SATB1: variants seen among roughly 807,000 people sequenced by gnomAD.
SATB1 encodes SATB homeobox 1, also known as DNA-binding protein SATB1.
A neutral mutation model predicts 86.9 loss-of-function variants in SATB1; 11 were observed. The observed-to-expected ratio is 0.13, with a 90% confidence interval of 0.08 to 0.21. The LOEUF (loss-of-function observed/expected upper bound fraction) is 0.21. SATB1 is among the 10% of genes least tolerant of loss of function. The pLI is 1.00. For missense variants in SATB1, 551 were observed against 937.6 expected (o/e 0.59, Z 5.39); for synonymous variants, 357 against 357.2 (o/e 1.00, Z 0.01).
chr3:18,439,730 G>C (rs1444501132), upstream of SATB1, among the ~76,000 whole-genome samples: 2 of 152,218 alleles, frequency 1.3e-5, no homozygotes, highest in African/African-American at 2.4e-5. Flanking sequence ...AGACAGTTAA[G>C]TGTAACCGCT....
intron 8 of SATB1, among the ~76,000 whole-genome samples, chr3:18,379,609 T>C (rs550474282): frequency 4.6e-5 from 7 of 152,218 alleles, no homozygotes; most frequent in Non-Finnish European, 1.0e-4. Context: ...ACTCTGTTCC[T>C]AAAATATTCA....
chr3:18,355,615 G>T (rs1303815450), intron 9 of SATB1, among the ~76,000 whole-genome samples: 1 of 151,976 alleles, frequency 6.6e-6, no homozygotes, highest in Non-Finnish European at 1.5e-5. Context: ...GAGCAGAGAT[G>T]AGGAATGAAA....
At chr3:18,379,950 G>T (rs1462308716) in intron 8 of SATB1, among the ~76,000 whole-genome samples, 1 of 152,124 alleles carries the variant, frequency 6.6e-6, no homozygotes, top group Non-Finnish European at 1.5e-5. Context: ...ATGACTGGAG[G>T]CCACTAGAAC....
At chr3:18,378,367 G>A (rs10460976) in intron 8 of SATB1, 42 bp from the exon 9 acceptor site, 968,708 of 1,595,708 alleles carry the variant, frequency 0.61, 299,075 homozygotes, top group East Asian at 0.94. Flanking sequence ...TTCATTGGCT[G>A]AATTGTTTTG....
In SATB1 at chr3:18,400,128, TAAAA is replaced by T. The variant is rs772839969; in HGVS notation, c.640-2842_640-2839del. Among the ~76,000 whole-genome samples the T allele has an allele frequency of 9.9e-5, 15 of 152,180 alleles. No individual in the cohort carries two copies. The East Asian group carries it at 1.4e-3, about 14-fold the overall frequency. Reference sequence around the variant, plus strand: ...ACACGTAATGTTTTGATAACACAAATAAAAAAGTCATGATTGGTAAAATTTTCCT... The same window carrying T: ...ACACGTAATGTTTTGATAACACAAATAAGTCATGATTGGTAAAATTTTCCT... On this transcript the variant is annotated intron_variant, in intron 5 of 10. Transcript: ENST00000338745.
rs974512181 is a variant in SATB1, at chr3:18,445,201, C to T, written c.-25+317G>A. The T allele has an allele frequency of 7.1e-6, 7 of 981,054 alleles. No homozygotes were observed. In the East Asian group the frequency reaches 5.8e-4, roughly 81 times the overall value. The allele number at this position is 981,054 out of a possible 1,614,324, so 60.8% of individuals were successfully genotyped here. A position where few individuals can be genotyped will look rare whatever the true frequency, so the allele number is the denominator to read the frequency against. On this transcript the variant is annotated intron_variant, in intron 1 of 3. Transcript: ENST00000415069. Reference sequence around the variant, plus strand: ...CAGGGCCCGGCCCGCCTCCCCAGCGCCCGCCCGGCTTCTCCCCCTGGCGGT... The same window carrying T: ...CAGGGCCCGGCCCGCCTCCCCAGCGTCCGCCCGGCTTCTCCCCCTGGCGGT...
chr3:18,437,371 G>C (rs1481352284), intron 1 of SATB1, among the ~76,000 whole-genome samples: 2 of 152,042 alleles, frequency 1.3e-5, no homozygotes, highest in African/African-American at 2.4e-5. Context: ...AGTTGCTTTA[G>C]TAGAAAACCT....
In SATB1 at chr3:18,349,167, A is replaced by G; in HGVS notation, c.*3T>C. 6.2e-7 allele frequency: 1 copy of G among 1,612,256 alleles called. No individual in the cohort carries two copies. Among genetic ancestry groups the G allele is most frequent in the South Asian group, 1.1e-5 (1 of 90,876 alleles). On this transcript the variant is annotated 3_prime_UTR_variant, in exon 11 of 11. Coordinates refer to ENST00000338745, the MANE Select transcript of SATB1 (RefSeq NM_002971.6). This position sits in a 1 kb window ranked among gnomAD's most constrained non-coding sequence, Gnocchi z 5.5. Reference sequence around the variant, plus strand: ...ACTGTTGAACGAAACAAATACTTTTATCTCAGTCTTTCAAATCAGTATTAA... The same window carrying G: ...ACTGTTGAACGAAACAAATACTTTTGTCTCAGTCTTTCAAATCAGTATTAA...
intron 9 of SATB1, among the ~76,000 whole-genome samples, chr3:18,364,749 G>A (rs1036541332): frequency 3.9e-5 from 6 of 151,906 alleles, no homozygotes; most frequent in South Asian, 4.2e-4. Flanking sequence ...ACACACGTAC[G>A]TATAGACACA....
chr3:18,436,506 CAAA>C (rs71055011), intron 2 of SATB1, among the ~76,000 whole-genome samples: 7 of 113,800 alleles, frequency 6.2e-5, no homozygotes, highest in Admixed American at 8.8e-5. Flanking sequence ...CAGGTGCTAC[CAAA>C]AAAAAAAAAA....
chr3:18,351,484 C>A, intron 10 of SATB1: 4 of 1,153,436 alleles, frequency 3.5e-6, no homozygotes, highest in Non-Finnish European at 4.9e-6. Flanking sequence ...CTATTACATA[C>A]AAGGTGAAGG....
At chr3:18,380,148 T>G (rs892719131) in intron 8 of SATB1, among the ~76,000 whole-genome samples, 1 of 152,180 alleles carries the variant, frequency 6.6e-6, no homozygotes, top group Non-Finnish European at 1.5e-5. Context: ...AATACCTATT[T>G]TTCTCACTGC....
intron 5 of SATB1, among the ~76,000 whole-genome samples, chr3:18,398,756 T>C (rs1045011380): frequency 6.6e-6 from 1 of 152,182 alleles, no homozygotes; most frequent in Non-Finnish European, 1.5e-5. Context: ...ATAGTCATTT[T>C]CACATTTTAT....
chr3:18,428,909 G>A (rs1479626184), upstream of SATB1, among the ~76,000 whole-genome samples: 1 of 152,216 alleles, frequency 6.6e-6, no homozygotes, highest in Non-Finnish European at 1.5e-5. Flanking sequence ...AAAGCATTTA[G>A]AATTCGAGTG....
chr3:18,367,157 C>G (rs1158178338), intron 9 of SATB1, among the ~76,000 whole-genome samples: 1 of 152,156 alleles, frequency 6.6e-6, no homozygotes, highest in Non-Finnish European at 1.5e-5. Context: ...CTTTGCAGTT[C>G]CCAATGTTTT....
chr3:18,354,582 C>T (rs1694537896), intron 9 of SATB1, among the ~76,000 whole-genome samples: 1 of 151,808 alleles, frequency 6.6e-6, no homozygotes, highest in African/African-American at 2.4e-5. Context: ...CTAAAAATTG[C>T]TAAAAGTTAA....
chr3:18,432,815 AAC>A (rs1231682102), intron 2 of SATB1, among the ~76,000 whole-genome samples: 4 of 151,606 alleles, frequency 2.6e-5, no homozygotes, highest in African/African-American at 7.3e-5. Flanking sequence ...AAAAAAAAAA[AAC>A]AAAAGCAAAA....
Position 18,443,711 on chromosome 3 carries a change from G to C in SATB1, c.-25+1807C>G, listed in dbSNP as rs80284692. Among the ~76,000 whole-genome samples, 922 of 152,214 alleles carry C rather than the reference G, an allele frequency of 6.1e-3. 8 individuals carry two copies. The highest frequency in any genetic ancestry group is 0.021 in the African/African-American group (881 of 41,498). ...TGGTTTCCCAAACCCCGGTTCTGCC[G>C]GCCCGGGAGCCTTAGCACTGGAGCA... On this transcript the variant is annotated intron_variant, in intron 1 of 3. Transcript: ENST00000415069. This position sits in a 1 kb window ranked among gnomAD's most constrained non-coding sequence, Gnocchi z 4.4.
chr3:18,440,993 AGCACCTG>A (rs1699229257), upstream of SATB1, among the ~76,000 whole-genome samples: 1 of 152,226 alleles, frequency 6.6e-6, no homozygotes, highest in Non-Finnish European at 1.5e-5. Flanking sequence ...GTTAATTAAA[AGCACCTG>A]GCACCTTTAA....
Sources: allele counts gnomAD v4.1 joint callset (sites outside exome capture counted in the v4.1 genomes callset), GRCh38; gene constraint gnomAD v4.1.1; non-coding constraint Gnocchi (gnomAD v3.1); transcripts MANE v1.5; gene names NCBI Gene and HGNC (gene_info 2026-07-23, HGNC 2026-07-21).